The following ARHGEF33 variants were observed in gnomAD, a reference collection of about 807,000 sequenced individuals.
ARHGEF33 encodes Rho guanine nucleotide exchange factor 33.
In ARHGEF33, 72 loss-of-function variants were observed where a neutral mutation model predicts 101.9. The observed-to-expected ratio is 0.71, with a 90% CI of 0.58 to 0.86. The LOEUF (loss-of-function observed/expected upper bound fraction) is 0.86, where lower values mean the gene tolerates loss of function less well. Ranked by LOEUF, ARHGEF33 falls within the 40% of genes least tolerant of loss-of-function variation. The pLI is 0.00. For missense variants in ARHGEF33, 1,169 were observed against 1,111.3 expected (o/e 1.05, Z -0.74); for synonymous variants, 499 against 442.5 (o/e 1.13, Z -1.60).
rs191870123 is a variant in ARHGEF33, at chr2:38,927,994, G to A, written c.76-913G>A. On this transcript the variant is annotated intron_variant, in intron 4 of 17. Transcript: ENST00000409978. ...CACCTAAAGGGGGAGAAGAATGAAC[G>A]TTTCTTGAACATCTGTGTACCAAGT... 1.7e-3 allele frequency among the ~76,000 whole-genome samples: 263 copies of A among 152,256 alleles called. 1 individual carries two copies. Among genetic ancestry groups the A allele is most frequent in the African/African-American group, 6.2e-3 (257 of 41,554 alleles).
intron 10 of ARHGEF33, among the ~76,000 whole-genome samples, chr2:38,950,755 A>T (rs956377512): frequency 6.6e-6 from 1 of 152,154 alleles, no homozygotes; most frequent in Non-Finnish European, 1.5e-5. Flanking sequence ...TTAGTTCAAT[A>T]CACATTTGTA....
rs1376991886 is a variant in ARHGEF33, at chr2:38,958,045, C to G, written c.1382C>G (p.Ala461Gly). 1 of 1,552,236 alleles carries G rather than the reference C, an allele frequency of 6.4e-7. No individual in the cohort carries two copies. The highest frequency in any genetic ancestry group is 8.7e-7 in the Non-Finnish European group (1 of 1,147,124). ...TTCCATTCTGTTAGGTCATCCATGG[C>G]GAAGCTGTACAAAGGGCTGGCTTCC... ...KRKKLKKSSMAKLYKGLASQC... is the reference protein window; with the variant it reads ...KRKKLKKSSMGKLYKGLASQC... The change falls in exon 15 of 18, where the codon GCG becomes GGG. Residue 461 changes from alanine to glycine, a missense_variant. Ala to Gly is a moderately conservative substitution (Grantham distance 60). Transcript: ENST00000409978.
intron 2 of ARHGEF33, among the ~76,000 whole-genome samples, chr2:38,900,150 C>T (rs944644850): frequency 9.2e-5 from 14 of 152,144 alleles, no homozygotes; most frequent in African/African-American, 3.4e-4. Flanking sequence ...TAGGATTATA[C>T]CACCGCATTC....
chr2:38,917,206 C>T (rs1049598382), intron 2 of ARHGEF33, among the ~76,000 whole-genome samples: 3 of 148,972 alleles, frequency 2.0e-5, no homozygotes, highest in South Asian at 2.2e-4. Context: ...ATTTTCCTGC[C>T]TCAGCCTCCC....
intron 9 of ARHGEF33, among the ~76,000 whole-genome samples, chr2:38,941,298 T>A (rs573639474): frequency 1.3e-5 from 2 of 152,338 alleles, no homozygotes; most frequent in African/African-American, 4.8e-5. Context: ...AATCTCAGCC[T>A]ATGCTCAGGA....
At chr2:38,892,792 C>G (rs1329319813) in intron 1 of ARHGEF33, among the ~76,000 whole-genome samples, 2 of 152,270 alleles carry the variant, frequency 1.3e-5, no homozygotes, top group Non-Finnish European at 1.5e-5. Context: ...ATGGAGCAAC[C>G]TTTGAAATGT....
At chr2:38,950,924 A>G (rs1169619006) in intron 10 of ARHGEF33, 65 bp from the exon 11 acceptor site, 2 of 1,476,544 alleles carry the variant, frequency 1.4e-6, no homozygotes, top group East Asian at 2.5e-5. Flanking sequence ...TGCTGCATGT[A>G]TTTTTGTAGG....
At chr2:38,955,582 A>G (rs895518831) in intron 13 of ARHGEF33, among the ~76,000 whole-genome samples, 6 of 141,688 alleles carry the variant, frequency 4.2e-5, no homozygotes, top group Admixed American at 2.4e-4. Flanking sequence ...TCACTGCAGC[A>G]TCAACCTCCC....
chr2:38,911,743 G>T (rs1173501404), intron 2 of ARHGEF33, among the ~76,000 whole-genome samples: 1 of 152,196 alleles, frequency 6.6e-6, no homozygotes, highest in Non-Finnish European at 1.5e-5. Context: ...AGGCACTGTG[G>T]CTCACGCCTG....
intron 2 of ARHGEF33, among the ~76,000 whole-genome samples, chr2:38,908,417 T>C (rs1007236226): frequency 6.6e-5 from 10 of 152,148 alleles, no homozygotes; most frequent in Admixed American, 3.3e-4. Context: ...TTGATAAGTT[T>C]TTATGTCTTC....
At chr2:38,894,909 TTTA>T in intron 1 of ARHGEF33, among the ~76,000 whole-genome samples, 1 of 152,152 alleles carries the variant, frequency 6.6e-6, no homozygotes, top group East Asian at 1.9e-4. Flanking sequence ...CTTATATTCC[TTTA>T]GACAAAGTAC....
intron 3 of ARHGEF33, 71 bp from the exon 4 acceptor site, chr2:38,921,303 C>T: frequency 2.1e-6 from 2 of 933,614 alleles, no homozygotes; most frequent in East Asian, 5.3e-5. Flanking sequence ...TCCCTTATTC[C>T]CTGCATGTAT....
At chr2:38,908,279 T>G (rs1666438364) in intron 2 of ARHGEF33, among the ~76,000 whole-genome samples, 1 of 152,158 alleles carries the variant, frequency 6.6e-6, no homozygotes, top group Non-Finnish European at 1.5e-5. Flanking sequence ...ATATCTTCCC[T>G]GACCAGACAC....
intron 16 of ARHGEF33, among the ~76,000 whole-genome samples, chr2:38,965,316 A>G (rs1428688260): frequency 1.3e-5 from 2 of 152,214 alleles, no homozygotes; most frequent in African/African-American, 4.8e-5. Flanking sequence ...ATGCACTTCT[A>G]TTTAGCACAT....
intron 10 of ARHGEF33, among the ~76,000 whole-genome samples, chr2:38,950,186 ACT>A (rs762911246): frequency 1.3e-5 from 2 of 151,886 alleles, no homozygotes; most frequent in Non-Finnish European, 2.9e-5. Flanking sequence ...ATACCCTACA[ACT>A]CCCTGAGCTT....
At chr2:38,959,641 C>A (rs1263034429) in intron 15 of ARHGEF33, 200 bp from the exon 16 acceptor site, 5 of 555,078 alleles carry the variant, frequency 9.0e-6, no homozygotes, top group African/African-American at 3.8e-5. Context: ...TACCTTCGGG[C>A]CTCCGCTCGA....
chr2:38,965,290 A>G (rs1380402224), intron 16 of ARHGEF33, among the ~76,000 whole-genome samples: 2 of 152,240 alleles, frequency 1.3e-5, no homozygotes, highest in African/African-American at 4.8e-5. Context: ...TCTGGCTTGT[A>G]TGCATATAAA....
At chr2:38,931,908 C>T (rs1166594566) in intron 7 of ARHGEF33, among the ~76,000 whole-genome samples, 2 of 152,236 alleles carry the variant, frequency 1.3e-5, no homozygotes, top group East Asian at 3.9e-4. Flanking sequence ...TTTATGGTCT[C>T]ACGTAGAAAG....
At chr2:38,959,042 G>A (rs1276121756) in intron 15 of ARHGEF33, among the ~76,000 whole-genome samples, 1 of 152,210 alleles carries the variant, frequency 6.6e-6, no homozygotes, top group African/African-American at 2.4e-5. Flanking sequence ...ATTAAAATAT[G>A]AATACATAAA....
Sources: gnomAD v4.1 joint callset for allele counts (sites outside exome capture counted in the v4.1 genomes callset) on GRCh38, gnomAD v4.1.1 for gene constraint, MANE v1.5 for transcripts, NCBI Gene and HGNC (gene_info 2026-07-23, HGNC 2026-07-21) for gene names.